PRKN: variants seen among roughly 807,000 people sequenced by gnomAD.
PRKN encodes the protein E3 ubiquitin-protein ligase parkin.
A neutral mutation model predicts 59.5 loss-of-function variants in PRKN; 56 were observed. The observed-to-expected ratio is 0.94, with a 90% confidence interval of 0.76 to 1.18. PRKN has a LOEUF of 1.18. Among genes scored for constraint, PRKN ranks in the 50% most tolerant of loss-of-function variants. The pLI is 0.00. For missense variants in PRKN, 657 were observed against 596.4 expected, an observed-to-expected ratio of 1.10 and a Z score of -1.06; for synonymous variants, 250 against 222.1, an observed-to-expected ratio of 1.13 and a Z score of -1.12.
At chr6:162,199,016 A>G (rs186720210) in intron 4 of PRKN, among the ~76,000 whole-genome samples, 2 of 152,324 alleles carry the variant, frequency 1.3e-5, no homozygotes, top group African/African-American at 4.8e-5. Context: ...TAAAAAGAAA[A>G]CAATACAGCC....
At chr6:161,911,445 C>A (rs557120208) in intron 6 of PRKN, among the ~76,000 whole-genome samples, 1 of 152,236 alleles carries the variant, frequency 6.6e-6, no homozygotes, top group East Asian at 1.9e-4. Context: ...GTGATGACTT[C>A]CGGGGTTGTT....
Position 161,378,350 on chromosome 6 carries a change from C to G in PRKN, c.1167+8444G>C, listed in dbSNP as rs1213498121. Among the ~76,000 whole-genome samples, 1 of 152,158 alleles carries G rather than the reference C, an allele frequency of 6.6e-6. No individual in the cohort carries two copies. Among genetic ancestry groups the G allele is most frequent in the Non-Finnish European group, 1.5e-5 (1 of 68,028 alleles). On this transcript the variant is annotated intron_variant, in intron 10 of 11. Coordinates refer to ENST00000366898, the MANE Select transcript of PRKN (RefSeq NM_004562.3). The surrounding 1 kb of genome is among the most constrained non-coding windows in gnomAD (Gnocchi z 7.3). ...GGTGAGGTGAAGCCCTGCCAGGCCCCCCAGCTCGGGCATCCCCCCATCTGC... is the reference window on the plus strand; with the variant it reads ...GGTGAGGTGAAGCCCTGCCAGGCCCGCCAGCTCGGGCATCCCCCCATCTGC...
intron 2 of PRKN, among the ~76,000 whole-genome samples, chr6:162,293,297 C>T (rs895373857): frequency 6.6e-6 from 1 of 152,110 alleles, no homozygotes; most frequent in South Asian, 2.1e-4. Context: ...AGGGAAAGAA[C>T]CCGAATGGGA....
chr6:161,649,819 A>C (rs1784086357), intron 7 of PRKN, among the ~76,000 whole-genome samples: 1 of 152,224 alleles, frequency 6.6e-6, no homozygotes, highest in African/African-American at 2.4e-5. Flanking sequence ...TCTCTCCCCA[A>C]GCTCAGGCAG....
At chr6:161,931,454 G>C (rs182577323) in intron 6 of PRKN, among the ~76,000 whole-genome samples, 1 of 152,250 alleles carries the variant, frequency 6.6e-6, no homozygotes, top group African/African-American at 2.4e-5. Flanking sequence ...CAGAGGCATT[G>C]TGTGAAGTTC....
rs531166675 is a variant in PRKN, at chr6:162,603,202, G to A, written c.7+124460C>T. Among the ~76,000 whole-genome samples, 13 of 152,248 alleles carry A rather than the reference G, an allele frequency of 8.5e-5. No individual in the cohort carries two copies. In the South Asian group the frequency reaches 2.5e-3, roughly 29 times the overall value. On this transcript the variant is annotated intron_variant, in intron 1 of 11. Transcript: ENST00000366898. Reference sequence around the variant, plus strand: ...AGTTGTGAATTATTAAGGTTGCAGAGATACCTCTAAAAGTGGCAGGTAACA... The same window carrying A: ...AGTTGTGAATTATTAAGGTTGCAGAAATACCTCTAAAAGTGGCAGGTAACA...
rs114921382 is a variant in PRKN, at chr6:161,574,376, T to C, written c.872-4960A>G. On this transcript the variant is annotated intron_variant, in intron 7 of 11. Transcript: ENST00000366898. ...AGTACTACTTCTGGATTTGGAGCAA[T>C]AGAGACCATGTCCGATCCTTCCATG... Among the ~76,000 whole-genome samples, 549 of 152,232 alleles carry C rather than the reference T, an allele frequency of 3.6e-3. 4 individuals are homozygous for C. The highest frequency in any genetic ancestry group is 0.013 in the African/African-American group (525 of 41,542).
chr6:162,372,424 T>TG (rs1270156607), intron 2 of PRKN, among the ~76,000 whole-genome samples: 1 of 150,950 alleles, frequency 6.6e-6, no homozygotes, highest in African/African-American at 2.4e-5. Context: ...GTGCTACACA[T>TG]GCGATCCTCA....
chr6:162,694,288 T>C (rs992716912), intron 1 of PRKN, among the ~76,000 whole-genome samples: 3 of 151,272 alleles, frequency 2.0e-5, no homozygotes, highest in African/African-American at 7.3e-5. Context: ...TAGACATTTC[T>C]GTCAATAGCA....
chr6:161,467,380 T>G lies in PRKN; in HGVS notation c.1084-80503A>C, dbSNP rs561985532. 2.0e-5 allele frequency among the ~76,000 whole-genome samples: 3 copies of G among 152,338 alleles called. No individual in the cohort carries two copies. Among genetic ancestry groups the G allele is most frequent in the African/African-American group, 7.2e-5 (3 of 41,576 alleles). The stretch of plus-strand genomic sequence containing the variant: ...ATTCTAGCCCTATGGAGTATATACG[T>G]TATTAACTGATAAGTTCAGTCCAGC... On this transcript the variant is annotated intron_variant, in intron 9 of 11. Transcript: ENST00000366898. This position sits in a 1 kb window ranked among gnomAD's most constrained non-coding sequence, Gnocchi z 4.3.
At chr6:161,953,610 C>G (rs78438896) in intron 6 of PRKN, among the ~76,000 whole-genome samples, 1 of 152,092 alleles carries the variant, frequency 6.6e-6, no homozygotes, top group African/African-American at 2.4e-5. Flanking sequence ...GAACACCTGC[C>G]GGATGCCAGC....
chr6:161,521,648 A>ACTAATG (rs1197599712), intron 9 of PRKN, among the ~76,000 whole-genome samples: 1 of 152,216 alleles, frequency 6.6e-6, no homozygotes, highest in African/African-American at 2.4e-5. Context: ...GCAACACTTT[A>ACTAATG]TTATACACAT....
chr6:162,476,054 ACT>A (rs1365067384), intron 1 of PRKN, among the ~76,000 whole-genome samples: 1 of 88,252 alleles, frequency 1.1e-5, no homozygotes, highest in Non-Finnish European at 2.1e-5. Flanking sequence ...GCCTAACACC[ACT>A]CTTTTTTTTT....
At chr6:162,522,417 C>A (rs556403983) in intron 1 of PRKN, among the ~76,000 whole-genome samples, 1 of 152,356 alleles carries the variant, frequency 6.6e-6, no homozygotes, top group East Asian at 1.9e-4. Flanking sequence ...AGCCACTGCA[C>A]CCAGCCTTAC....
chr6:161,742,604 A>G (rs76123287), intron 7 of PRKN, among the ~76,000 whole-genome samples: 3,935 of 152,252 alleles, frequency 0.026, 180 homozygotes, highest in African/African-American at 0.091. Context: ...TGAAGCTCTC[A>G]CATATGCAAG....
intron 5 of PRKN, among the ~76,000 whole-genome samples, chr6:162,024,453 T>G (rs984685209): frequency 6.6e-6 from 1 of 152,208 alleles, no homozygotes; most frequent in African/African-American, 2.4e-5. Flanking sequence ...GGCCTCGGCC[T>G]CTCAAAGTGC....
intron 7 of PRKN, among the ~76,000 whole-genome samples, chr6:161,598,774 C>T (rs951814243): frequency 6.6e-6 from 1 of 152,194 alleles, no homozygotes; most frequent in Non-Finnish European, 1.5e-5. Context: ...CTTCTTCCAA[C>T]TATCCTTTTT....
Position 161,576,697 on chromosome 6 carries a change from A to T in PRKN, c.872-7281T>A, listed in dbSNP as rs1781142546. On this transcript the variant is annotated intron_variant, in intron 7 of 11. Coordinates refer to ENST00000366898, the MANE Select transcript of PRKN (RefSeq NM_004562.3). This position sits in a 1 kb window ranked among gnomAD's most constrained non-coding sequence, Gnocchi z 4.6. ...GTAGGTAAATGAAGTAACATTTTGG[A>T]TGGTCATTAGCACTGTGTGGAAAAG... Among the ~76,000 whole-genome samples, 1 of 152,226 alleles carries T rather than the reference A, an allele frequency of 6.6e-6. No individual in the cohort carries two copies. Among genetic ancestry groups the T allele is most frequent in the Non-Finnish European group, 1.5e-5 (1 of 68,044 alleles).
intron 4 of PRKN, among the ~76,000 whole-genome samples, chr6:162,105,038 G>A (rs1780132380): frequency 6.6e-6 from 1 of 152,152 alleles, no homozygotes; most frequent in African/African-American, 2.4e-5. Context: ...TTACGTATCT[G>A]TGGTTTTTAA....
Sources: gnomAD v4.1 joint callset for allele counts (sites outside exome capture counted in the v4.1 genomes callset) on GRCh38, gnomAD v4.1.1 for gene constraint, Gnocchi (gnomAD v3.1) non-coding constraint, MANE v1.5 for transcripts, NCBI Gene and HGNC (gene_info 2026-07-23, HGNC 2026-07-21) for gene names.